The following SH3D19 variants were observed in gnomAD, a reference collection of about 807,000 sequenced individuals.
SH3D19 encodes SH3 domain-containing protein 19.
Under a neutral mutation model 112.1 loss-of-function variants are expected in SH3D19, and 58 were observed. The observed-to-expected ratio is 0.52, with a 90% confidence interval of 0.42 to 0.64. The LOEUF is 0.64. Ranked by LOEUF, SH3D19 falls within the 30% of genes least tolerant of loss-of-function variation. The pLI is 0.00. For synonymous variants in SH3D19, 391 were observed against 448.5 expected, an observed-to-expected ratio of 0.87 and a Z score of 1.62; for missense variants, 1,090 against 1,263.4, an observed-to-expected ratio of 0.86 and a Z score of 2.08.
intron 1 of SH3D19, among the ~76,000 whole-genome samples, chr4:151,299,849 A>C (rs1003907605): frequency 6.6e-6 from 1 of 152,182 alleles, no homozygotes; most frequent in African/African-American, 2.4e-5. Context: ...TCCAATAAAC[A>C]ACTAGTTCCA....
chr4:151,325,367 G>A lies in SH3D19; in HGVS notation c.-15C>T, dbSNP rs1730950420. 1 of 1,189,418 alleles carries A rather than the reference G, an allele frequency of 8.4e-7. No homozygotes were observed. The highest frequency in any genetic ancestry group is 3.5e-5 in the East Asian group (1 of 28,946). The allele number at this position is 1,189,418 out of a possible 1,614,324, so 73.7% of individuals were successfully genotyped here. ...CCCTCAGCCATGGGCGAGGCGCGGG[G>A]CGCAGCCGCGGGATGGCCAGCGAGC... On this transcript the variant is annotated 5_prime_UTR_variant, in exon 1 of 20. Coordinates refer to ENST00000604030, the MANE Select transcript of SH3D19 (RefSeq NM_001378122.1).
At chr4:151,153,984 T>C (rs1755577122) in intron 9 of SH3D19, among the ~76,000 whole-genome samples, 2 of 152,148 alleles carry the variant, frequency 1.3e-5, no homozygotes, top group South Asian at 2.1e-4. Flanking sequence ...TTTTCTGAGA[T>C]GGAGTCTCAC....
Position 151,159,353 on chromosome 4 carries a change from C to A in SH3D19, c.1643-1G>T. ...GGACTTTGTGGATCCTCATGTAAAC[C>A]TGGAAAAAGTAGCAGTAATTCATCA... On this transcript the variant is annotated splice_acceptor_variant, in intron 8 of 19. Coordinates refer to ENST00000604030, the MANE Select transcript of SH3D19 (RefSeq NM_001378122.1). LOFTEE classifies it high-confidence loss of function. 1 of 1,529,978 alleles carries A rather than the reference C, an allele frequency of 6.5e-7. No homozygotes were observed. Among genetic ancestry groups the A allele is most frequent in the South Asian group, 1.3e-5 (1 of 79,636 alleles). The allele number at this position is 1,529,978 out of a possible 1,614,324, so 94.8% of individuals were successfully genotyped here.
chr4:151,263,776 T>C (rs919454752), intron 1 of SH3D19, among the ~76,000 whole-genome samples: 3 of 147,382 alleles, frequency 2.0e-5, no homozygotes, highest in Admixed American at 2.0e-4. Context: ...ACACCCAAAA[T>C]GGAAGCTACA....
intron 1 of SH3D19, among the ~76,000 whole-genome samples, chr4:151,303,348 A>G (rs1011970653): frequency 6.6e-6 from 1 of 152,192 alleles, no homozygotes; most frequent in Non-Finnish European, 1.5e-5. Flanking sequence ...ATTATCAATC[A>G]TTTCTTTTAT....
At chr4:151,202,165 C>G (rs1330454409) in intron 2 of SH3D19, among the ~76,000 whole-genome samples, 1 of 152,074 alleles carries the variant, frequency 6.6e-6, no homozygotes, top group East Asian at 1.9e-4. Context: ...GAAACCCTGT[C>G]TCTACTAAAA....
At chr4:151,204,110 G>A (rs1264454405) in intron 2 of SH3D19, among the ~76,000 whole-genome samples, 2 of 152,004 alleles carry the variant, frequency 1.3e-5, no homozygotes, top group African/African-American at 4.8e-5. Flanking sequence ...ACTTCTCCAT[G>A]TTTTATTTGT....
rs779996281 is a variant in SH3D19 at position 151,279,940 on chromosome 4, C to A, written c.112+45301G>T. 4.4e-6 allele frequency: 7 copies of A among 1,609,110 alleles called. No homozygotes were observed. In the East Asian group the frequency reaches 1.6e-4, roughly 36 times the overall value. Reference sequence around the variant, plus strand: ...GTCAGTGAGAGGTTGATACTGACAGCAGCACACTGCATACAACCGTGAGTT... The same window carrying A: ...GTCAGTGAGAGGTTGATACTGACAGAAGCACACTGCATACAACCGTGAGTT... On this transcript the variant is annotated intron_variant, in intron 1 of 19. Transcript: ENST00000604030.
chr4:151,239,059 C>A (rs1429932640), intron 1 of SH3D19, among the ~76,000 whole-genome samples: 1 of 152,198 alleles, frequency 6.6e-6, no homozygotes, highest in Non-Finnish European at 1.5e-5. Context: ...TCACAGAATT[C>A]TTGAGTGAGA....
chr4:151,250,961 A>AG (rs1251414775), intron 1 of SH3D19, among the ~76,000 whole-genome samples: 1 of 152,140 alleles, frequency 6.6e-6, no homozygotes, highest in Non-Finnish European at 1.5e-5. Context: ...GGGCTCTGGC[A>AG]GGGAGGGAGG....
At chr4:151,160,109 T>C (rs1756883323) in intron 8 of SH3D19, among the ~76,000 whole-genome samples, 1 of 149,264 alleles carries the variant, frequency 6.7e-6, no homozygotes, top group Non-Finnish European at 1.5e-5. Flanking sequence ...TTTTTTGAGA[T>C]GGAGTCTCGC....
At chr4:151,322,597 T>C (rs1730661652) in intron 1 of SH3D19, among the ~76,000 whole-genome samples, 1 of 152,138 alleles carries the variant, frequency 6.6e-6, no homozygotes, top group African/African-American at 2.4e-5. Flanking sequence ...TAAATACATT[T>C]TATAAAGAAG....
intron 1 of SH3D19, among the ~76,000 whole-genome samples, chr4:151,306,139 T>A (rs1197384540): frequency 1.3e-5 from 2 of 152,126 alleles, no homozygotes; most frequent in Admixed American, 6.5e-5. Flanking sequence ...CGTGCACAGG[T>A]CTGACTACAA....
chr4:151,169,007 G>C (rs1227535603), intron 7 of SH3D19, among the ~76,000 whole-genome samples: 3 of 152,080 alleles, frequency 2.0e-5, no homozygotes. Context: ...CTGAACATAG[G>C]GGGCATCCAA....
intron 1 of SH3D19, among the ~76,000 whole-genome samples, chr4:151,228,851 C>T (rs1769349686): frequency 3.4e-5 from 2 of 58,830 alleles, no homozygotes; most frequent in South Asian, 8.3e-4. Context: ...TGAATTTTTT[C>T]TTTTCTTTTT....
At chr4:151,194,471 G>C (rs988128971) in intron 2 of SH3D19, among the ~76,000 whole-genome samples, 1 of 151,778 alleles carries the variant, frequency 6.6e-6, no homozygotes, top group Non-Finnish European at 1.5e-5. Context: ...TCAGTTTCAA[G>C]CATCCACAAC....
intron 1 of SH3D19, among the ~76,000 whole-genome samples, chr4:151,247,663 C>T (rs917779645): frequency 1.3e-5 from 2 of 152,118 alleles, no homozygotes; most frequent in African/African-American, 4.8e-5. Flanking sequence ...GCAGTCAATC[C>T]CTGCTGCCAT....
intron 1 of SH3D19, chr4:151,277,257 G>T: frequency 6.8e-7 from 1 of 1,460,168 alleles, no homozygotes; most frequent in South Asian, 1.5e-5. Context: ...GAAGGCAGAG[G>T]CAGAGGATTT....
At chr4:151,253,297 C>T (rs997337671) in intron 1 of SH3D19, among the ~76,000 whole-genome samples, 2 of 152,204 alleles carry the variant, frequency 1.3e-5, no homozygotes, top group African/African-American at 2.4e-5. Context: ...GCTTCAACCC[C>T]TCTTCCCTCA....
Sources: allele counts gnomAD v4.1 joint callset (sites outside exome capture counted in the v4.1 genomes callset), GRCh38; gene constraint gnomAD v4.1.1; transcripts MANE v1.5; gene names NCBI Gene and HGNC (gene_info 2026-07-23, HGNC 2026-07-21).